The following VTI1A variants were observed in gnomAD, a reference collection of about 807,000 sequenced individuals.
VTI1A encodes the protein vesicle transport through interaction with t-SNAREs homolog 1A.
Under a neutral mutation model 34.9 loss-of-function variants are expected in VTI1A, and 22 were observed. The ratio of observed to expected loss-of-function variants is 0.63; its 90% CI spans 0.45 to 0.90. The LOEUF (loss-of-function observed/expected upper bound fraction) is 0.90, where lower values mean the gene tolerates loss of function less well. Among genes scored for constraint, VTI1A ranks in the 40% least tolerant of loss-of-function variants. The pLI is 0.00. For synonymous variants in VTI1A, 87 were observed against 97.3 expected (o/e 0.89, Z 0.62); for missense variants, 268 against 275.6 (o/e 0.97, Z 0.20).
At chr10:112,852,840 A>G in the VTI1A span, among the ~76,000 whole-genome samples, 1 of 152,098 alleles carries the variant, frequency 6.6e-6, no homozygotes, top group African/African-American at 2.4e-5. Flanking sequence ...GTGTGGTGGC[A>G]CAATCTCAGC....
intron 5 of VTI1A, among the ~76,000 whole-genome samples, chr10:112,601,036 C>G (rs2134470249): frequency 6.6e-6 from 1 of 152,242 alleles, no homozygotes; most frequent in East Asian, 1.9e-4. Context: ...ACTCTGACAT[C>G]TGTAATCATG....
At position 112,696,402 on chromosome 10, in the gene VTI1A, G is replaced by A. The variant is rs145794458; in HGVS notation, c.560+27404G>A. On this transcript the variant is annotated intron_variant, in intron 7 of 7. Coordinates refer to ENST00000393077, the MANE Select transcript of VTI1A (RefSeq NM_145206.4). ...CTTAATTCCTGAGGCTGGTTTGCAT[G>A]CATTTCAAGACCAACCTAAGTAAAA... 1.6e-3 allele frequency among the ~76,000 whole-genome samples: 238 copies of A among 152,200 alleles called. 1 individual carries two copies. The highest frequency in any genetic ancestry group is 5.4e-3 in the African/African-American group (226 of 41,518).
intron 7 of VTI1A, among the ~76,000 whole-genome samples, chr10:112,699,300 C>T (rs2133895969): frequency 6.6e-6 from 1 of 152,312 alleles, no homozygotes; most frequent in Middle Eastern, 3.4e-3. Context: ...ATTTGTTTCT[C>T]ACAGTTCTGG....
At chr10:112,758,008 T>G (rs1456541054) in intron 7 of VTI1A, among the ~76,000 whole-genome samples, 1 of 152,236 alleles carries the variant, frequency 6.6e-6, no homozygotes, top group Non-Finnish European at 1.5e-5. Flanking sequence ...TTATAAATAA[T>G]ATTGCCCTGA....
intron 7 of VTI1A, among the ~76,000 whole-genome samples, chr10:112,728,732 A>G (rs1850138468): frequency 6.6e-6 from 1 of 152,210 alleles, no homozygotes; most frequent in African/African-American, 2.4e-5. Flanking sequence ...GACAATATCT[A>G]ACAACAAATG....
upstream of VTI1A, chr10:112,447,024 G>GGT: frequency 3.5e-6 from 1 of 283,960 alleles, no homozygotes; most frequent in Non-Finnish European, 7.0e-6. Flanking sequence ...TGGATCCGGA[G>GGT]CCGATTCCCA....
the VTI1A span, among the ~76,000 whole-genome samples, chr10:112,842,032 CTTTTCT>C: frequency 8.4e-5 from 3 of 35,864 alleles, no homozygotes; most frequent in Admixed American, 2.8e-4. Flanking sequence ...ACAAGGAGTT[CTTTTCT>C]TTTTTTTTTT....
chr10:112,796,639 G>T (rs1852686344), intron 7 of VTI1A, among the ~76,000 whole-genome samples: 1 of 152,164 alleles, frequency 6.6e-6, no homozygotes, highest in Non-Finnish European at 1.5e-5. Flanking sequence ...CCTGGTGTGG[G>T]CAAGTCCTTG....
At chr10:112,846,300 A>G in the VTI1A span, among the ~76,000 whole-genome samples, 1 of 152,222 alleles carries the variant, frequency 6.6e-6, no homozygotes, top group Non-Finnish European at 1.5e-5. Flanking sequence ...ACAGAAATGG[A>G]TACCTCATGG....
intron 5 of VTI1A, among the ~76,000 whole-genome samples, chr10:112,667,770 G>C (rs927029802): frequency 6.6e-6 from 1 of 152,132 alleles, no homozygotes; most frequent in African/African-American, 2.4e-5. Flanking sequence ...CTTATGCAGG[G>C]TGAATACACT....
chr10:112,602,658 G>A (rs1844920132), intron 5 of VTI1A, among the ~76,000 whole-genome samples: 1 of 152,212 alleles, frequency 6.6e-6, no homozygotes, highest in Non-Finnish European at 1.5e-5. Context: ...ACTTAGAATT[G>A]TAAGTCTTTA....
chr10:112,478,892 G>A, intron 3 of VTI1A, among the ~76,000 whole-genome samples: 1 of 152,096 alleles, frequency 6.6e-6, no homozygotes, highest in East Asian at 1.9e-4. Context: ...CTATTGGCCG[G>A]GCGCGGTGGT....
chr10:112,531,749 C>T (rs771203952), intron 4 of VTI1A, among the ~76,000 whole-genome samples: 1 of 152,072 alleles, frequency 6.6e-6, no homozygotes, highest in Admixed American at 6.5e-5. Context: ...AAGAATAGTG[C>T]CCCCAGAAAG....
intron 5 of VTI1A, among the ~76,000 whole-genome samples, chr10:112,595,139 A>T (rs1211662282): frequency 1.4e-5 from 2 of 146,526 alleles, no homozygotes; most frequent in African/African-American, 5.2e-5. Context: ...TCCCTTCCTT[A>T]CACCTTATAC....
chr10:112,810,511 A>G (rs575715972), intron 7 of VTI1A, among the ~76,000 whole-genome samples: 13 of 152,094 alleles, frequency 8.5e-5, no homozygotes, highest in Non-Finnish European at 1.2e-4. Flanking sequence ...GCTTCCCTCA[A>G]TGAATCAAAA....
At chr10:112,777,593 T>A (rs4244303) in intron 7 of VTI1A, among the ~76,000 whole-genome samples, 139 of 152,240 alleles carry the variant, frequency 9.1e-4, no homozygotes, top group African/African-American at 3.2e-3. Flanking sequence ...GGTAGAGATA[T>A]CTTCCTCAGT....
rs565001907 is a variant in VTI1A at position 112,777,546 on chromosome 10, G to A, written c.561-37744G>A. Among the ~76,000 whole-genome samples, 10 of 152,266 alleles carry A rather than the reference G, an allele frequency of 6.6e-5. 1 individual carries two copies. In the South Asian group the frequency reaches 2.1e-3, roughly 32 times the overall value. ...GGCTAGAAAGTGAAAACAAGACTTC[G>A]CCAAAAAGGATTTTATTCTGAATGT... On this transcript the variant is annotated intron_variant, in intron 7 of 7. Transcript: ENST00000393077.
At chr10:112,717,046 C>T (rs1590108665) in intron 7 of VTI1A, among the ~76,000 whole-genome samples, 1 of 152,206 alleles carries the variant, frequency 6.6e-6, no homozygotes. Context: ...AGCTTCGTAA[C>T]AAGTGCCGTT....
At chr10:112,566,904 C>T (rs928569702) in intron 5 of VTI1A, among the ~76,000 whole-genome samples, 3 of 152,098 alleles carry the variant, frequency 2.0e-5, no homozygotes, top group Admixed American at 2.0e-4. Context: ...TTGTTGCTAA[C>T]TTGTCCTACT....
Sources: gnomAD v4.1 joint callset for allele counts (sites outside exome capture counted in the v4.1 genomes callset) on GRCh38, gnomAD v4.1.1 for gene constraint, MANE v1.5 for transcripts, NCBI Gene and HGNC (gene_info 2026-07-23, HGNC 2026-07-21) for gene names.